Variants in DPP6 observed in about 807,000 individuals in gnomAD.
DPP6 encodes dipeptidyl peptidase like 6.
Under a neutral mutation model 122.6 loss-of-function variants are expected in DPP6, and 69 were observed. The observed-to-expected ratio is 0.56, with a 90% CI of 0.46 to 0.69. The LOEUF (loss-of-function observed/expected upper bound fraction) is 0.69. Ranked by LOEUF, DPP6 falls within the 30% of genes least tolerant of loss-of-function variation. The probability of loss-of-function intolerance (pLI) is 0.00; values close to 1 mark genes in which losing one functional copy is unlikely to be tolerated. For missense variants in DPP6, 928 were observed against 1,116.9 expected (o/e 0.83, Z 2.41); for synonymous variants, 418 against 433.1 (o/e 0.97, Z 0.43).
At chr7:153,859,439 G>A in the DPP6 span, among the ~76,000 whole-genome samples, 5 of 152,326 alleles carry the variant, frequency 3.3e-5, no homozygotes, top group South Asian at 6.2e-4. Flanking sequence ...TCCATGAGAC[G>A]TGGCTGTCTA....
chr7:154,334,430 C>T (rs1394162725), intron 1 of DPP6, among the ~76,000 whole-genome samples: 1 of 152,216 alleles, frequency 6.6e-6, no homozygotes, highest in Non-Finnish European at 1.5e-5. Flanking sequence ...TTCCTGACTG[C>T]AGGGTTTGGA....
chr7:154,027,796 TCTCC>T (rs1347291268), intron 1 of DPP6, among the ~76,000 whole-genome samples: 2 of 151,820 alleles, frequency 1.3e-5, no homozygotes, highest in Admixed American at 6.6e-5. Context: ...GATAAATTCC[TCTCC>T]CTCCTCTCCT....
At position 154,222,661 on chromosome 7, in the gene DPP6, TAAATAAAATA is replaced by T. The variant is rs906732158; in HGVS notation, c.243+169611_243+169620del. The stretch of plus-strand genomic sequence containing the variant: ...CAAGAGTGAAACTCTGTCTCAAAAA[TAAATAAAATA>T]AAATAAAATAAATTAAATAATCTGC... On this transcript the variant is annotated intron_variant, in intron 1 of 25. Transcript: ENST00000377770. Among the ~76,000 whole-genome samples the T allele has an allele frequency of 1.3e-4, 20 of 148,976 alleles. 1 individual carries two copies. Among genetic ancestry groups the T allele is most frequent in the Admixed American group, 9.2e-4 (14 of 15,144 alleles).
chr7:153,818,854 C>T, the DPP6 span, among the ~76,000 whole-genome samples: 3,888 of 151,796 alleles, frequency 0.026, 133 homozygotes, highest in African/African-American at 0.073. Context: ...CGGGTGCAAG[C>T]GATTCTCCTG....
At chr7:154,007,577 A>T (rs1797967193) in intron 1 of DPP6, among the ~76,000 whole-genome samples, 1 of 152,188 alleles carries the variant, frequency 6.6e-6, no homozygotes, top group Admixed American at 6.5e-5. Context: ...CCCATTTTAG[A>T]TGAGGCCGCA....
intron 6 of DPP6, among the ~76,000 whole-genome samples, chr7:154,641,924 C>T (rs1419241024): frequency 6.6e-6 from 1 of 152,134 alleles, no homozygotes; most frequent in African/African-American, 2.4e-5. Flanking sequence ...CTTACCTACT[C>T]GTAATTTTCA....
chr7:154,835,304 C>A (rs76965273), intron 16 of DPP6, among the ~76,000 whole-genome samples: 1 of 152,136 alleles, frequency 6.6e-6, no homozygotes, highest in Non-Finnish European at 1.5e-5. Flanking sequence ...GGACAAGCCG[C>A]GGACTGATGG....
In DPP6 at chr7:154,711,657, TTTC is replaced by T. The variant is rs1489324675; in HGVS notation, c.763-16107_763-16105del. On this transcript the variant is annotated intron_variant, in intron 7 of 25. Coordinates refer to ENST00000377770, the MANE Select transcript of DPP6 (RefSeq NM_130797.4). ...GGGTTCCATTTCAAGTCCAAGGTTC[TTTC>T]TTTTTTATCATCTCACCCTTAGTAG... Among the ~76,000 whole-genome samples the T allele has an allele frequency of 3.3e-4, 17 of 51,306 alleles. No individual in the cohort carries two copies. In the East Asian group the frequency reaches 6.3e-3, roughly 19 times the overall value. The allele number at this position is 51,306 out of a possible 152,430, so 33.7% of individuals were successfully genotyped here.
chr7:154,547,868 C>G (rs191668935), intron 4 of DPP6, among the ~76,000 whole-genome samples: 196 of 152,186 alleles, frequency 1.3e-3, no homozygotes, highest in African/African-American at 4.6e-3. Flanking sequence ...GTATATTTTA[C>G]TTACTTTTAT....
chr7:154,417,495 C>A (rs1280668101), intron 1 of DPP6, among the ~76,000 whole-genome samples: 1 of 152,172 alleles, frequency 6.6e-6, no homozygotes, highest in Non-Finnish European at 1.5e-5. Flanking sequence ...TCCCTAGGCA[C>A]CTGAGGTGGG....
chr7:153,989,978 A>G (rs1797075724), intron 1 of DPP6, among the ~76,000 whole-genome samples: 1 of 102,520 alleles, frequency 9.8e-6, no homozygotes. Flanking sequence ...CACCCCCAAC[A>G]GCTCACCCCC....
At chr7:154,816,413 G>GA (rs1443334696) in intron 16 of DPP6, among the ~76,000 whole-genome samples, 9 of 152,172 alleles carry the variant, frequency 5.9e-5, no homozygotes, top group East Asian at 3.9e-4. Context: ...TGTAGGCACA[G>GA]AAAAAACATT....
chr7:154,405,339 T>A (rs763072575), intron 1 of DPP6, among the ~76,000 whole-genome samples: 7 of 152,218 alleles, frequency 4.6e-5, no homozygotes, highest in Non-Finnish European at 8.8e-5. Context: ...TAGGTAAAGA[T>A]GTTCAGGTTT....
chr7:154,216,770 T>G (rs1199008644), intron 1 of DPP6, among the ~76,000 whole-genome samples: 2 of 151,886 alleles, frequency 1.3e-5, no homozygotes, highest in Non-Finnish European at 2.9e-5. Flanking sequence ...TTGGGTAAAG[T>G]GGACTTTACA....
At chr7:154,267,591 A>T (rs1403442550) in intron 1 of DPP6, among the ~76,000 whole-genome samples, 1 of 151,152 alleles carries the variant, frequency 6.6e-6, no homozygotes, top group Non-Finnish European at 1.5e-5. Context: ...GTGCACATAC[A>T]TATATATGTG....
intron 1 of DPP6, among the ~76,000 whole-genome samples, chr7:153,989,078 G>T (rs1196320004): frequency 1.3e-5 from 2 of 150,684 alleles, no homozygotes; most frequent in Admixed American, 6.7e-5. Context: ...CAGGGACAGC[G>T]CCCGCGAGGT....
intron 1 of DPP6, among the ~76,000 whole-genome samples, chr7:153,999,382 GA>G (rs1300119798): frequency 6.6e-6 from 1 of 152,192 alleles, no homozygotes; most frequent in African/African-American, 2.4e-5. Flanking sequence ...ACTATTCTGT[GA>G]AACTTGTTTC....
At position 154,158,050 on chromosome 7, in the gene DPP6, G is replaced by A. The variant is rs1208582077; in HGVS notation, c.243+104987G>A. Among the ~76,000 whole-genome samples, 7 of 148,840 alleles carry A rather than the reference G, an allele frequency of 4.7e-5. No individual in the cohort carries two copies. In the East Asian group the frequency reaches 5.8e-4, roughly 12 times the overall value. On this transcript the variant is annotated intron_variant, in intron 1 of 25. Transcript: ENST00000377770. ...TTGCTTTCCTACTGTAATAGATGAA[G>A]ATTAACTCTTCCGTATTACTTTTCA... is the stretch of plus-strand genomic sequence containing the variant.
intron 1 of DPP6, among the ~76,000 whole-genome samples, chr7:154,164,249 T>G (rs1439908939): frequency 3.3e-4 from 15 of 45,388 alleles, no homozygotes; most frequent in African/African-American, 1.1e-3. Flanking sequence ...TCCCCTCGCC[T>G]CCTTCTCTTT....
Sources: allele counts gnomAD v4.1 joint callset (sites outside exome capture counted in the v4.1 genomes callset), GRCh38; gene constraint gnomAD v4.1.1; transcripts MANE v1.5; gene names NCBI Gene and HGNC (gene_info 2026-07-23, HGNC 2026-07-21).